The following RANBP3 variants were observed in gnomAD, a reference collection of about 807,000 sequenced individuals.
RANBP3 encodes RAN binding protein 3, also known as ran-binding protein 3.
RANBP3 carries 14 observed loss-of-function variants against 77.3 expected under a neutral mutation model. The observed-to-expected ratio is 0.18, with a 90% confidence interval of 0.12 to 0.28. RANBP3 has a LOEUF of 0.28. RANBP3 is among the 10% of genes least tolerant of loss of function. RANBP3 has a pLI of 1.00. For missense variants in RANBP3, 586 were observed against 752.3 expected (o/e 0.78, Z 2.59); for synonymous variants, 315 against 312.4 (o/e 1.01, Z -0.09).
intron 8 of RANBP3, among the ~76,000 whole-genome samples, chr19:5,929,733 C>A (rs1250743576): frequency 6.6e-6 from 1 of 152,136 alleles, no homozygotes; most frequent in Non-Finnish European, 1.5e-5. Context: ...TGTTCATGGG[C>A]GGCTTGGAAA....
chr19:5,967,460 C>T (rs1039132622), intron 1 of RANBP3, among the ~76,000 whole-genome samples: 1 of 152,160 alleles, frequency 6.6e-6, no homozygotes, highest in African/African-American at 2.4e-5. Context: ...TGTTAAAAGG[C>T]CTTTACTGGA....
Position 5,924,058 on chromosome 19 carries a change from G to T in RANBP3, c.997-144C>A. The T allele has an allele frequency of 1.5e-6, 1 of 650,480 alleles. No homozygotes were observed. The highest frequency in any genetic ancestry group is 2.7e-6 in the Non-Finnish European group (1 of 373,980). 40.3% of individuals were successfully genotyped at this position (650,480 alleles called of 1,614,324 possible). A position where few individuals can be genotyped will look rare whatever the true frequency, so the allele number is the denominator to read the frequency against. On this transcript the variant is annotated intron_variant, in intron 11 of 16. Transcript: ENST00000340578. The surrounding 1 kb of genome is among the most constrained non-coding windows in gnomAD (Gnocchi z 4.7). Reference sequence around the variant, plus strand: ...CCCGGTGACACCCTGAACTGCCTGGGAGCTCCCCACGTGGTCCCTCAGGCA... The same window carrying T: ...CCCGGTGACACCCTGAACTGCCTGGTAGCTCCCCACGTGGTCCCTCAGGCA...
chr19:5,925,762 T>C, intron 9 of RANBP3, 25 bp from the exon 10 acceptor site: 10 of 1,392,596 alleles, frequency 7.2e-6, no homozygotes, highest in Non-Finnish European at 9.0e-6. Flanking sequence ...GAGCGCTCAG[T>C]AATCGGGGGT....
chr19:5,961,409 TCAAAACAAAA>T (rs760576600), intron 1 of RANBP3, among the ~76,000 whole-genome samples: 92 of 140,246 alleles, frequency 6.6e-4, no homozygotes, highest in East Asian at 3.6e-3. Flanking sequence ...AGATTCCATC[TCAAAACAAAA>T]CAAAACAAAA....
In RANBP3 at chr19:5,933,474, T is replaced by C; in HGVS notation, c.412A>G (p.Arg138Gly). 1.2e-6 allele frequency: 2 copies of C among 1,613,284 alleles called. No homozygotes were observed. Among genetic ancestry groups the C allele is most frequent in the Non-Finnish European group, 8.5e-7 (1 of 1,179,770 alleles). Residue 138 changes from arginine to glycine, a missense_variant, in exon 6 of 17, where the codon AGG (arginine) becomes GGG (glycine). Coordinates refer to ENST00000340578, the MANE Select transcript of RANBP3 (RefSeq NM_007322.3). ...TQFPPSQSEERSSGFRLKPPT... is the reference protein window; with the variant it reads ...TQFPPSQSEEGSSGFRLKPPT... ...GGCTTCAACCGGAAGCCACTGCTCCTTTCCTCTAAAAGCACAAGACAAAAT... is the reference window on the plus strand; with the variant it reads ...GGCTTCAACCGGAAGCCACTGCTCCCTTCCTCTAAAAGCACAAGACAAAAT...
chr19:5,938,212 G>A lies in RANBP3; in HGVS notation c.406+3409C>T, dbSNP rs192887962. Among the ~76,000 whole-genome samples the A allele has an allele frequency of 6.7e-3, 1,026 of 152,296 alleles. 6 individuals carry two copies. The highest frequency in any genetic ancestry group is 0.014 in the Middle Eastern group (4 of 294). The stretch of plus-strand genomic sequence containing the variant: ...TCACAATGCTTTTGAAGTCGGCAAT[G>A]AATTTATATATGGTAGGTTGGGTTA... On this transcript the variant is annotated intron_variant, in intron 5 of 16. Transcript: ENST00000340578.
At chr19:5,929,876 T>G (rs959411326) in intron 8 of RANBP3, among the ~76,000 whole-genome samples, 26 of 152,212 alleles carry the variant, frequency 1.7e-4, no homozygotes, top group Non-Finnish European at 3.1e-4. Context: ...CATGGAGCAG[T>G]GGCTTTGGAG....
In RANBP3 at chr19:5,932,523, T is replaced by C. The variant is rs977729376; in HGVS notation, c.494A>G (p.Lys165Arg). Residue 165 changes from lysine (K) to arginine (R), a missense_variant, in exon 7 of 17, where the codon AAG becomes AGG. Lys to Arg is a conservative substitution (Grantham distance 26). Coordinates refer to ENST00000340578, the MANE Select transcript of RANBP3 (RefSeq NM_007322.3). ...GCGAAGCACGCTCCGCTGCTGCTCC[T>C]TGGGCTTCTGGCTTGGCAGACCTAG... ...PSAGLPSQKP[K>R]EQQRSVLRPA... 6.2e-6 allele frequency: 10 copies of C among 1,613,786 alleles called. No homozygotes were observed. The highest frequency in any genetic ancestry group is 1.1e-5 in the South Asian group (1 of 91,082).
At chr19:5,950,550 GT>G (rs1329645332) in intron 3 of RANBP3, 4 of 152,194 alleles carry the variant, frequency 2.6e-5, no homozygotes, top group Non-Finnish European at 5.9e-5. Context: ...CCGGGATAAG[GT>G]TTGGGACCGT....
At chr19:5,972,988 A>AAAAT (rs1275809766) in intron 1 of RANBP3, among the ~76,000 whole-genome samples, 1 of 152,186 alleles carries the variant, frequency 6.6e-6, no homozygotes, top group Non-Finnish European at 1.5e-5. Flanking sequence ...GTCTATACGC[A>AAAAT]GGATCCTGGG....
chr19:5,944,388 G>A (rs1342657082), intron 3 of RANBP3, among the ~76,000 whole-genome samples: 2 of 152,206 alleles, frequency 1.3e-5, no homozygotes, highest in Admixed American at 1.3e-4. Flanking sequence ...GACATCTGTG[G>A]GGTGGGTACA....
rs377575561 is a variant in RANBP3, at chr19:5,951,444, C to A, written c.231G>T (p.Pro77=). The A allele has an allele frequency of 8.1e-6, 13 of 1,595,668 alleles. No individual in the cohort carries two copies. Among genetic ancestry groups the A allele is most frequent in the African/African-American group, 1.3e-5 (1 of 74,590 alleles). ...APAGASASTP[P]PPAPEAQLPP... Reference sequence around the variant, plus strand: ...GAAGCTGGGCTTCAGGAGCGGGAGGCGGAGGAGTGCTGGCTGAGGCGCCAG... The same window carrying A: ...GAAGCTGGGCTTCAGGAGCGGGAGGAGGAGGAGTGCTGGCTGAGGCGCCAG... The change falls in exon 3 of 17, where the codon CCG becomes CCT. Residue 77 remains proline (P), a synonymous_variant. Coordinates refer to ENST00000340578, the MANE Select transcript of RANBP3 (RefSeq NM_007322.3).
intron 15 of RANBP3, 66 bp downstream of exon 15, chr19:5,918,430 T>C: frequency 1.2e-6 from 1 of 831,888 alleles, no homozygotes; most frequent in Middle Eastern, 5.3e-4. Context: ...CTGATCTGTG[T>C]GCCCAGGAAC....
At chr19:5,967,595 T>C (rs2058482703) in intron 1 of RANBP3, among the ~76,000 whole-genome samples, 1 of 152,152 alleles carries the variant, frequency 6.6e-6, no homozygotes, top group African/African-American at 2.4e-5. Flanking sequence ...ATTTCTACCT[T>C]TATCAGCCCT....
chr19:5,932,728 T>C, intron 6 of RANBP3, 184 bp from the exon 7 acceptor site: 1 of 581,626 alleles, frequency 1.7e-6, no homozygotes, highest in Non-Finnish European at 3.1e-6. Flanking sequence ...ACTGTTATTT[T>C]TACATGTGAT....
At chr19:5,934,199 T>G (rs1046610123) in intron 5 of RANBP3, 4 of 152,292 alleles carry the variant, frequency 2.6e-5, no homozygotes, top group African/African-American at 9.6e-5. Flanking sequence ...TTCATCTGTG[T>G]GTCTTGGCAA....
At position 5,917,566 on chromosome 19, in the gene RANBP3, G is replaced by A. The variant is rs776056774; in HGVS notation, c.*44C>T. On this transcript the variant is annotated 3_prime_UTR_variant, in exon 17 of 17. Coordinates refer to ENST00000340578, the MANE Select transcript of RANBP3 (RefSeq NM_007322.3). The stretch of plus-strand genomic sequence containing the variant: ...GTGGGGGCGGGTGGGCGGGTGGATA[G>A]ACGGACAAAGCAGCAGCCTGGTGTG... 4.1e-5 allele frequency: 63 copies of A among 1,533,348 alleles called. No individual in the cohort carries two copies. Among genetic ancestry groups the A allele is most frequent in the Non-Finnish European group, 4.6e-5 (52 of 1,141,472 alleles). The allele number at this position is 1,533,348 out of a possible 1,614,324, so 95.0% of individuals were successfully genotyped here.
At chr19:5,931,342 G>A in intron 8 of RANBP3, 62 bp downstream of exon 8, 2 of 1,544,884 alleles carry the variant, frequency 1.3e-6, no homozygotes, top group East Asian at 2.3e-5. Context: ...TGCTGGGAAG[G>A]CTGCCCTCCC....
At chr19:5,937,851 G>C (rs1028305742) in intron 5 of RANBP3, among the ~76,000 whole-genome samples, 1 of 152,176 alleles carries the variant, frequency 6.6e-6, no homozygotes, top group African/African-American at 2.4e-5. Flanking sequence ...GCGATCATGA[G>C]ATTTGTAACA....
Sources: gnomAD v4.1 joint callset for allele counts (sites outside exome capture counted in the v4.1 genomes callset) on GRCh38, gnomAD v4.1.1 for gene constraint, Gnocchi (gnomAD v3.1) non-coding constraint, MANE v1.5 for transcripts, NCBI Gene and HGNC (gene_info 2026-07-23, HGNC 2026-07-21) for gene names.